Variants in DISC1 observed in about 807,000 individuals in gnomAD.
The protein encoded by DISC1 is disrupted in schizophrenia 1 protein.
DISC1 carries 57 observed loss-of-function variants against 84.5 expected under a neutral mutation model. The ratio of observed to expected loss-of-function variants is 0.67; its 90% CI spans 0.55 to 0.84. The LOEUF is 0.84. Among genes scored for constraint, DISC1 ranks in the 40% least tolerant of loss-of-function variants. DISC1 has a pLI of 0.00. For missense variants in DISC1, 1,000 were observed against 1,057.8 expected (o/e 0.95, Z 0.76); for synonymous variants, 411 against 415.2 (o/e 0.99, Z 0.12).
At chr1:231,808,018 G>A (rs2079890431) in intron 8 of DISC1, among the ~76,000 whole-genome samples, 1 of 152,138 alleles carries the variant, frequency 6.6e-6, no homozygotes, top group African/African-American at 2.4e-5. Context: ...CCCAATGGAA[G>A]GACTTCCAAT....
intron 3 of DISC1, among the ~76,000 whole-genome samples, chr1:231,715,283 C>T (rs974794486): frequency 3.3e-5 from 5 of 151,778 alleles, no homozygotes; most frequent in East Asian, 1.9e-4. Context: ...CATGCACACA[C>T]GAAGCAATTA....
chr1:231,971,788 A>G (rs967882397), intron 10 of DISC1, among the ~76,000 whole-genome samples: 2 of 152,198 alleles, frequency 1.3e-5, no homozygotes, highest in African/African-American at 4.8e-5. Context: ...ATGTGATCGT[A>G]TTGTATGCTA....
intron 3 of DISC1, among the ~76,000 whole-genome samples, chr1:231,714,706 T>G (rs2068443513): frequency 9.3e-5 from 13 of 139,202 alleles, no homozygotes; most frequent in South Asian, 4.6e-4. Flanking sequence ...GAGATAGGGA[T>G]TGAGAGAGAG....
At chr1:231,953,534 A>G (rs962895576) in intron 9 of DISC1, among the ~76,000 whole-genome samples, 3 of 152,244 alleles carry the variant, frequency 2.0e-5, no homozygotes, top group African/African-American at 7.2e-5. Flanking sequence ...CGAAGACAGC[A>G]TAATACCTTA....
chr1:231,699,538 A>G (rs563190362), intron 2 of DISC1, among the ~76,000 whole-genome samples: 1 of 152,284 alleles, frequency 6.6e-6, no homozygotes, highest in Admixed American at 6.5e-5. Flanking sequence ...ATATTTAACC[A>G]GCGGTCTTCT....
chr1:231,648,655 T>A (rs2060350040), intron 1 of DISC1, among the ~76,000 whole-genome samples: 1 of 152,238 alleles, frequency 6.6e-6, no homozygotes. Context: ...TTTGTACTTC[T>A]GGTAGAATTC....
intron 10 of DISC1, among the ~76,000 whole-genome samples, chr1:231,966,322 A>T (rs1661117860): frequency 6.6e-6 from 1 of 152,170 alleles, no homozygotes; most frequent in Admixed American, 6.5e-5. Flanking sequence ...TTGTTTCCAG[A>T]GGTGAGTAGT....
At chr1:231,919,843 T>G (rs187833058) in intron 9 of DISC1, among the ~76,000 whole-genome samples, 1 of 152,298 alleles carries the variant, frequency 6.6e-6, no homozygotes, top group East Asian at 1.9e-4. Flanking sequence ...TTGATACAAA[T>G]CAGATCTGTA....
At chr1:231,923,944 G>A (rs575589352) in intron 9 of DISC1, among the ~76,000 whole-genome samples, 2 of 152,264 alleles carry the variant, frequency 1.3e-5, no homozygotes, top group South Asian at 2.1e-4. Flanking sequence ...CTATGTGCTC[G>A]GTTTCTGAAG....
intron 9 of DISC1, chr1:231,855,033 A>C: frequency 2.0e-6 from 2 of 1,016,472 alleles, no homozygotes; most frequent in Non-Finnish European, 2.4e-6. Flanking sequence ...TAATTCTTTA[A>C]TGTGAGGAAA....
intron 1 of DISC1, among the ~76,000 whole-genome samples, chr1:231,678,912 G>A (rs1022935833): frequency 4.6e-5 from 7 of 151,456 alleles, no homozygotes; most frequent in East Asian, 1.9e-4. Flanking sequence ...TCCTGACCTC[G>A]TGATCCACCC....
At chr1:231,790,082 A>T (rs1402563410) in intron 6 of DISC1, among the ~76,000 whole-genome samples, 2 of 152,156 alleles carry the variant, frequency 1.3e-5, no homozygotes, top group African/African-American at 4.8e-5. Context: ...ACACACGTTT[A>T]TTGTAGCAGC....
intron 1 of DISC1, among the ~76,000 whole-genome samples, chr1:231,691,829 C>A (rs2065052520): frequency 6.6e-6 from 1 of 152,204 alleles, no homozygotes; most frequent in Admixed American, 6.5e-5. Context: ...GCCTGGCCAC[C>A]CTGTTCCGAC....
intron 10 of DISC1, among the ~76,000 whole-genome samples, chr1:231,979,353 A>G (rs957981747): frequency 2.0e-5 from 3 of 152,054 alleles, no homozygotes; most frequent in African/African-American, 7.2e-5. Context: ...ATAATCTTTT[A>G]TGAAACCAGT....
chr1:231,642,976 C>T (rs2059847375), intron 1 of DISC1, among the ~76,000 whole-genome samples: 1 of 152,194 alleles, frequency 6.6e-6, no homozygotes, highest in African/African-American at 2.4e-5. Flanking sequence ...ACTGGAACAG[C>T]AGAAGATGAG....
At chr1:231,785,036 G>A (rs1262378318) in intron 6 of DISC1, among the ~76,000 whole-genome samples, 4 of 152,120 alleles carry the variant, frequency 2.6e-5, no homozygotes, top group South Asian at 4.1e-4. Flanking sequence ...ATGAATGTCC[G>A]ATGGGTGCCA....
At chr1:231,795,990 G>A (rs1573884238) in intron 7 of DISC1, among the ~76,000 whole-genome samples, 2 of 152,146 alleles carry the variant, frequency 1.3e-5, no homozygotes, top group African/African-American at 4.8e-5. Context: ...AGAACAGTTG[G>A]TGACTGTTTT....
intron 3 of DISC1, among the ~76,000 whole-genome samples, chr1:231,714,554 CAGAG>C: frequency 6.6e-6 from 1 of 150,978 alleles, no homozygotes; most frequent in South Asian, 2.1e-4. Context: ...GAAACAGAGA[CAGAG>C]AGAAAGAGAC....
chr1:231,996,156 T>C (rs1665922087), intron 10 of DISC1, among the ~76,000 whole-genome samples: 1 of 152,246 alleles, frequency 6.6e-6, no homozygotes, highest in Non-Finnish European at 1.5e-5. Flanking sequence ...GAAGTGTCTG[T>C]TCATATCCTT....
Sources: allele counts gnomAD v4.1 joint callset (sites outside exome capture counted in the v4.1 genomes callset), GRCh38; gene constraint gnomAD v4.1.1; transcripts MANE v1.5; gene names NCBI Gene and HGNC (gene_info 2026-07-23, HGNC 2026-07-21).